PPP1CC: variants seen among roughly 807,000 people sequenced by gnomAD.
The protein encoded by PPP1CC is serine/threonine-protein phosphatase PP1-gamma catalytic subunit.
A neutral mutation model predicts 38.4 loss-of-function variants in PPP1CC; 16 were observed. That is an observed-to-expected ratio of 0.42 (90% CI 0.28 to 0.63). PPP1CC has a LOEUF of 0.63. Ranked by LOEUF, PPP1CC falls within the 30% of genes least tolerant of loss-of-function variation. The pLI is 0.25. For missense variants in PPP1CC, 170 were observed against 391.3 expected (o/e 0.43, Z 4.77); for synonymous variants, 158 against 136.0 (o/e 1.16, Z -1.13).
the PPP1CC span, among the ~76,000 whole-genome samples, chr12:110,711,081 C>T: frequency 6.6e-6 from 1 of 151,986 alleles, no homozygotes; most frequent in East Asian, 1.9e-4. Flanking sequence ...GAGGCTGAGG[C>T]AGGAGAATTG....
At position 110,720,864 on chromosome 12, in the gene PPP1CC, T is replaced by A. The variant is rs1181503469; in HGVS notation, c.*212A>T. ...AATTGTTTGCAAAAGGAACAGAGAA[T>A]TAAAAAACAAAACACTTTTCTTTTT... On this transcript the variant is annotated 3_prime_UTR_variant, in exon 7 of 7. Coordinates refer to ENST00000335007, the MANE Select transcript of PPP1CC (RefSeq NM_002710.4). 8.9e-6 allele frequency: 4 copies of A among 447,620 alleles called. No homozygotes were observed. In the South Asian group the frequency reaches 1.2e-4, roughly 13 times the overall value. The allele number at this position is 447,620 out of a possible 1,614,324, so 27.7% of individuals were successfully genotyped here. A position where few individuals can be genotyped will look rare whatever the true frequency, so the allele number is the denominator to read the frequency against.
chr12:110,742,787 C>G lies in PPP1CC; in HGVS notation c.-80G>C. ...GACTCACACCTCCTTTCCCACGCCACGAGCAGAGGCGGTGGTGGCGGCGGT... is the reference window on the plus strand; with the variant it reads ...GACTCACACCTCCTTTCCCACGCCAGGAGCAGAGGCGGTGGTGGCGGCGGT... On this transcript the variant is annotated 5_prime_UTR_variant, in exon 1 of 7. Coordinates refer to ENST00000335007, the MANE Select transcript of PPP1CC (RefSeq NM_002710.4). 8.5e-7 allele frequency: 1 copy of G among 1,179,916 alleles called. No homozygotes were observed. The highest frequency in any genetic ancestry group is 1.6e-5 in the African/African-American group (1 of 62,908). 73.1% of individuals were successfully genotyped at this position (1,179,916 alleles called of 1,614,324 possible).
intron 3 of PPP1CC, 148 bp downstream of exon 3, chr12:110,730,381 G>T (rs965025955): frequency 5.6e-6 from 4 of 716,836 alleles, no homozygotes; most frequent in African/African-American, 5.4e-5. Context: ...AAAAAGCTAA[G>T]CTAAAAACAA....
chr12:110,727,302 T>A (rs1309675561), intron 3 of PPP1CC, among the ~76,000 whole-genome samples: 1 of 152,256 alleles, frequency 6.6e-6, no homozygotes, highest in Non-Finnish European at 1.5e-5. Context: ...TGATTCCTGC[T>A]GGCTTCTCCA....
intron 2 of PPP1CC, 105 bp downstream of exon 2, chr12:110,731,665 G>C (rs889893711): frequency 7.8e-7 from 1 of 1,287,440 alleles, no homozygotes; most frequent in Non-Finnish European, 1.1e-6. Flanking sequence ...CAAGCTATTC[G>C]CAAACAGGAT....
chr12:110,724,035 G>A (rs1215013360), intron 4 of PPP1CC, among the ~76,000 whole-genome samples: 1 of 151,444 alleles, frequency 6.6e-6, no homozygotes, highest in Non-Finnish European at 1.5e-5. Context: ...TCAGGAGATT[G>A]AGACCATCCT....
At chr12:110,726,945 G>C (rs936684138) in intron 3 of PPP1CC, among the ~76,000 whole-genome samples, 4 of 152,092 alleles carry the variant, frequency 2.6e-5, no homozygotes, top group African/African-American at 9.7e-5. Flanking sequence ...TTCACTTCTG[G>C]ATACTTTTTT....
Position 110,742,329 on chromosome 12 carries a change from C to A in PPP1CC, c.55+324G>T, listed in dbSNP as rs372434038. Among the ~76,000 whole-genome samples, 3 of 151,994 alleles carry A rather than the reference C, an allele frequency of 2.0e-5. No individual in the cohort carries two copies. In the East Asian group the frequency reaches 5.8e-4, roughly 29 times the overall value. On this transcript the variant is annotated intron_variant, in intron 1 of 6. Transcript: ENST00000335007. Reference sequence around the variant, plus strand: ...ATCCCCAACCATCGCTCCAAAGACCCGTCCAGTGCGCGGGGGCAAACGGGT... The same window carrying A: ...ATCCCCAACCATCGCTCCAAAGACCAGTCCAGTGCGCGGGGGCAAACGGGT...
At chr12:110,723,273 C>T (rs997355554) in intron 4 of PPP1CC, among the ~76,000 whole-genome samples, 2 of 150,064 alleles carry the variant, frequency 1.3e-5, no homozygotes, top group African/African-American at 4.9e-5. Context: ...CTAAAATCTA[C>T]AAGAGCTTAT....
At position 110,722,536 on chromosome 12, in the gene PPP1CC, C is replaced by T; in HGVS notation, c.683G>A (p.Gly228Asp). 6.2e-7 allele frequency: 1 copy of T among 1,614,196 alleles called. No homozygotes were observed. Among genetic ancestry groups the T allele is most frequent in the Non-Finnish European group, 8.5e-7 (1 of 1,180,034 alleles). Residue 228 changes from glycine to aspartate, a missense_variant, in exon 5 of 7, where the codon GGT becomes GAT. Coordinates refer to ENST00000335007, the MANE Select transcript of PPP1CC (RefSeq NM_002710.4). This position sits in a 1 kb window ranked among gnomAD's most constrained non-coding sequence, Gnocchi z 5.4. The stretch of plus-strand genomic sequence containing the variant: ...GAGAAATTTTGCAACCACTTCTGCA[C>T]CAAATGTGAAGGACACTCCTCTGTC... ...ENDRGVSFTFGAEVVAKFLHK... is the reference protein window; with the variant it reads ...ENDRGVSFTFDAEVVAKFLHK...
At chr12:110,711,504 T>A in the PPP1CC span, among the ~76,000 whole-genome samples, 1 of 152,096 alleles carries the variant, frequency 6.6e-6, no homozygotes, top group Admixed American at 6.5e-5. Flanking sequence ...TCGAGGGAGA[T>A]GGGTAAGTAT....
intron 1 of PPP1CC, among the ~76,000 whole-genome samples, chr12:110,735,977 A>T (rs1394919034): frequency 6.6e-6 from 1 of 152,080 alleles, no homozygotes; most frequent in Non-Finnish European, 1.5e-5. Context: ...AGGCAGGAGA[A>T]TCGCTGGAAC....
intron 3 of PPP1CC, among the ~76,000 whole-genome samples, chr12:110,727,132 C>T (rs1224346640): frequency 1.3e-5 from 2 of 152,150 alleles, no homozygotes; most frequent in African/African-American, 4.8e-5. Context: ...TGGGTTTTCC[C>T]CATGTTGGTC....
intron 1 of PPP1CC, among the ~76,000 whole-genome samples, chr12:110,736,148 G>A (rs887280069): frequency 1.3e-5 from 2 of 152,094 alleles, no homozygotes; most frequent in Admixed American, 6.6e-5. Context: ...TAGACCTAAG[G>A]ATGTGACTTT....
intron 1 of PPP1CC, among the ~76,000 whole-genome samples, chr12:110,741,563 C>G (rs2070017600): frequency 6.6e-6 from 1 of 152,144 alleles, no homozygotes; most frequent in South Asian, 2.1e-4. Context: ...CGCCCCTCTC[C>G]CACATCAACA....
chr12:110,721,198 T>A, intron 6 of PPP1CC, 33 bp from the exon 7 acceptor site: 1 of 1,569,710 alleles, frequency 6.4e-7, no homozygotes. Context: ...ATTTAGGAAA[T>A]ATACTCAACC....
intron 1 of PPP1CC, among the ~76,000 whole-genome samples, chr12:110,737,563 C>A (rs1229171916): frequency 1.3e-5 from 2 of 149,750 alleles, no homozygotes; most frequent in Non-Finnish European, 3.0e-5. Context: ...GAAAGACTTC[C>A]ATGTTCTGAT....
Position 110,731,809 on chromosome 12 carries a change from G to A in PPP1CC, c.148C>T (p.Pro50Ser), listed in dbSNP as rs2069875155. Residue 50 changes from proline to serine, a missense_variant, in exon 2 of 7, where the codon CCT becomes TCT. By Grantham distance (74) the Pro-to-Ser change is moderately conservative. Transcript: ENST00000335007. ...LKSREIFLSQ[P>S]ILLELEAPLK... Reference sequence around the variant, plus strand: ...GGTGCTTCAAGTTCTAGTAGGATAGGCTGACTGAGAAAGATTTCACGAGAC... The same window carrying A: ...GGTGCTTCAAGTTCTAGTAGGATAGACTGACTGAGAAAGATTTCACGAGAC... The A allele has an allele frequency of 6.2e-7, 1 of 1,613,252 alleles. No individual in the cohort carries two copies. Among genetic ancestry groups the A allele is most frequent in the African/African-American group, 1.3e-5 (1 of 74,908 alleles).
At chr12:110,718,747 C>T (rs1263543326), downstream of PPP1CC, among the ~76,000 whole-genome samples, 1 of 152,204 alleles carries the variant, frequency 6.6e-6, no homozygotes, top group Non-Finnish European at 1.5e-5. Flanking sequence ...CACAGTGGCT[C>T]AGCATTCAGG....
Sources: allele counts gnomAD v4.1 joint callset (sites outside exome capture counted in the v4.1 genomes callset), GRCh38; gene constraint gnomAD v4.1.1; non-coding constraint Gnocchi (gnomAD v3.1); transcripts MANE v1.5; gene names NCBI Gene and HGNC (gene_info 2026-07-23, HGNC 2026-07-21).